INPP4B: variants seen among roughly 807,000 people sequenced by gnomAD.
INPP4B encodes inositol polyphosphate 4-phosphatase type II.
Under a neutral mutation model 122.5 loss-of-function variants are expected in INPP4B, and 55 were observed. That is an observed-to-expected ratio of 0.45 (90% CI 0.36 to 0.56). The LOEUF (loss-of-function observed/expected upper bound fraction) is 0.56. Among genes scored for constraint, INPP4B ranks in the 20% least tolerant of loss-of-function variants. INPP4B has a pLI of 0.00. For missense variants in INPP4B, 1,000 were observed against 1,097.7 expected, an observed-to-expected ratio of 0.91 and a Z score of 1.26; for synonymous variants, 403 against 388.7, an observed-to-expected ratio of 1.04 and a Z score of -0.43.
intron 1 of INPP4B, among the ~76,000 whole-genome samples, chr4:142,777,517 C>T (rs1349013621): frequency 6.6e-6 from 1 of 152,116 alleles, no homozygotes; most frequent in Non-Finnish European, 1.5e-5. Context: ...CCAGCCAACA[C>T]CTTGATTGCA....
intron 2 of INPP4B, among the ~76,000 whole-genome samples, chr4:142,610,295 T>A (rs1471902138): frequency 6.6e-6 from 1 of 152,194 alleles, no homozygotes. Flanking sequence ...TTGTGAGGCC[T>A]CCCAGCCATG....
At chr4:142,396,360 A>C (rs1799361046) in intron 7 of INPP4B, among the ~76,000 whole-genome samples, 1 of 152,108 alleles carries the variant, frequency 6.6e-6, no homozygotes, top group African/African-American at 2.4e-5. Context: ...AGCACAGGAA[A>C]ACGTGCTCAA....
intron 1 of INPP4B, among the ~76,000 whole-genome samples, chr4:142,801,106 T>C (rs762010529): frequency 6.7e-6 from 1 of 149,210 alleles, no homozygotes; most frequent in South Asian, 2.2e-4. Context: ...AAAAATGGAG[T>C]ATGAAGATGA....
chr4:142,044,126 T>G (rs1377105206), intron 25 of INPP4B, among the ~76,000 whole-genome samples: 6 of 152,074 alleles, frequency 3.9e-5, no homozygotes, highest in Non-Finnish European at 8.8e-5. Context: ...TTAGAAAAAA[T>G]ACATTATATT....
chr4:142,117,907 C>T (rs780725266), intron 21 of INPP4B, among the ~76,000 whole-genome samples: 13 of 152,018 alleles, frequency 8.6e-5, no homozygotes, highest in Non-Finnish European at 1.8e-4. Flanking sequence ...TCGTCTAAGC[C>T]CAAAATTTCC....
At chr4:142,171,677 G>A (rs532598817) in intron 16 of INPP4B, among the ~76,000 whole-genome samples, 1 of 151,878 alleles carries the variant, frequency 6.6e-6, no homozygotes, top group East Asian at 1.9e-4. Flanking sequence ...AAGAATGCAT[G>A]GCTTGCAAAC....
intron 2 of INPP4B, among the ~76,000 whole-genome samples, chr4:142,564,530 C>T (rs918592577): frequency 1.3e-5 from 2 of 150,442 alleles, no homozygotes; most frequent in African/African-American, 4.9e-5. Flanking sequence ...ACTGGAGGCT[C>T]CCATAAATAT....
intron 1 of INPP4B, among the ~76,000 whole-genome samples, chr4:142,763,209 A>G (rs1197316023): frequency 1.3e-5 from 2 of 152,182 alleles, no homozygotes; most frequent in African/African-American, 2.4e-5. Flanking sequence ...TCTTATTTCA[A>G]TCTTAAATGA....
intron 7 of INPP4B, among the ~76,000 whole-genome samples, chr4:142,366,322 C>T (rs940547934): frequency 6.1e-5 from 8 of 131,104 alleles, no homozygotes; most frequent in Non-Finnish European, 1.2e-4. Flanking sequence ...AAATAAACAG[C>T]CTTGTTGCTC....
At position 142,692,914 on chromosome 4, in the gene INPP4B, T is replaced by TATAGATAGATAGATAGATAGATAGATAG. The variant is rs3080817; in HGVS notation, c.-191+32924_-191+32925insCTATCTATCTATCTATCTATCTATCTAT. On this transcript the variant is annotated intron_variant, in intron 2 of 25. Coordinates refer to ENST00000262992, the MANE Select transcript of INPP4B (RefSeq NM_001101669.3). ...TAAAACCTATATTTAGGCTAGTCTC[T>TATAGATAGATAGATAGATAGATAGATAG]ATAGATAGATAGATAGATAGATACA... is the stretch of plus-strand genomic sequence containing the variant. Among the ~76,000 whole-genome samples, 795 of 148,346 alleles carry TATAGATAGATAGATAGATAGATAGATAG rather than the reference T, an allele frequency of 5.4e-3. 2 individuals are homozygous for TATAGATAGATAGATAGATAGATAGATAG. The highest frequency in any genetic ancestry group is 6.4e-3 in the African/African-American group (252 of 39,682).
intron 2 of INPP4B, among the ~76,000 whole-genome samples, chr4:142,587,411 A>AGT (rs1398457342): frequency 5.3e-5 from 8 of 152,112 alleles, no homozygotes; most frequent in Admixed American, 3.9e-4. Flanking sequence ...TACTATCTGA[A>AGT]AAGTCTTCTA....
At chr4:142,453,614 G>T (rs1051518015) in intron 3 of INPP4B, among the ~76,000 whole-genome samples, 1 of 152,026 alleles carries the variant, frequency 6.6e-6, no homozygotes, top group Non-Finnish European at 1.5e-5. Context: ...GAGGTTATCT[G>T]CAAAGAATAT....
intron 2 of INPP4B, among the ~76,000 whole-genome samples, chr4:142,589,039 C>T (rs1191730629): frequency 6.6e-6 from 1 of 151,890 alleles, no homozygotes; most frequent in Admixed American, 6.6e-5. Context: ...CAGAACTAGA[C>T]CCACACAAAT....
chr4:142,174,520 C>A (rs1472492249), intron 15 of INPP4B, among the ~76,000 whole-genome samples: 1 of 152,114 alleles, frequency 6.6e-6, no homozygotes, highest in African/African-American at 2.4e-5. Context: ...ACATTAGTAG[C>A]AGAATGCTAT....
intron 7 of INPP4B, among the ~76,000 whole-genome samples, chr4:142,356,580 G>C (rs902087082): frequency 6.6e-6 from 1 of 151,840 alleles, no homozygotes; most frequent in Non-Finnish European, 1.5e-5. Flanking sequence ...TTGTGAAGTA[G>C]TACAAATAAC....
At chr4:142,067,645 T>C (rs1578785513) in intron 25 of INPP4B, among the ~76,000 whole-genome samples, 2 of 152,260 alleles carry the variant, frequency 1.3e-5, no homozygotes, top group East Asian at 3.9e-4. Context: ...AATGACCTAA[T>C]GGAGCTGAAA....
At chr4:142,184,630 G>C (rs1223519477) in intron 15 of INPP4B, among the ~76,000 whole-genome samples, 1 of 152,124 alleles carries the variant, frequency 6.6e-6, no homozygotes, top group Non-Finnish European at 1.5e-5. Flanking sequence ...GGATACTGTG[G>C]TAAACTGGAC....
At chr4:142,423,683 A>C (rs1175023739) in intron 5 of INPP4B, 1 of 341,046 alleles carries the variant, frequency 2.9e-6, no homozygotes, top group Non-Finnish European at 5.6e-6. Context: ...CTAGGACGGT[A>C]CACATCATTT....
At chr4:142,251,004 A>G (rs1241541139) in intron 11 of INPP4B, among the ~76,000 whole-genome samples, 9 of 152,212 alleles carry the variant, frequency 5.9e-5, no homozygotes, top group Middle Eastern at 3.2e-3. Context: ...TACCCTGGTA[A>G]TCTGAAAGAA....
Sources: allele counts gnomAD v4.1 joint callset (sites outside exome capture counted in the v4.1 genomes callset), GRCh38; gene constraint gnomAD v4.1.1; transcripts MANE v1.5; gene names NCBI Gene and HGNC (gene_info 2026-07-23, HGNC 2026-07-21).